Variants in PIGL observed in about 807,000 individuals in gnomAD.
The protein encoded by PIGL is N-acetylglucosaminyl-phosphatidylinositol de-N-acetylase.
Under a neutral mutation model 31.1 loss-of-function variants are expected in PIGL, and 22 were observed. The observed-to-expected ratio is 0.71, with a 90% CI of 0.51 to 1.01. PIGL has a LOEUF of 1.01. Among genes scored for constraint, PIGL ranks in the 50% least tolerant of loss-of-function variants. PIGL has a pLI of 0.00. For synonymous variants in PIGL, 131 were observed against 117.4 expected (o/e 1.12, Z -0.75); for missense variants, 302 against 315.9 (o/e 0.96, Z 0.33).
chr17:16,230,264 A>G (rs2092672951), intron 1 of PIGL, among the ~76,000 whole-genome samples: 1 of 152,148 alleles, frequency 6.6e-6, no homozygotes, highest in South Asian at 2.1e-4. Flanking sequence ...TCTGGGCTCC[A>G]GTAACACTGC....
intron 2 of PIGL, among the ~76,000 whole-genome samples, chr17:16,273,865 G>A (rs1460621160): frequency 6.6e-6 from 1 of 152,178 alleles, no homozygotes; most frequent in Non-Finnish European, 1.5e-5. Flanking sequence ...AAACCCTTTT[G>A]CCCTATAGCT....
At chr17:16,306,809 G>A (rs2093028341) in intron 3 of PIGL, among the ~76,000 whole-genome samples, 5 of 152,172 alleles carry the variant, frequency 3.3e-5, no homozygotes, top group South Asian at 4.1e-4. Flanking sequence ...GATTACAGGC[G>A]TGAGCCACCG....
intron 3 of PIGL, chr17:16,312,485 C>T (rs1343060291): frequency 3.0e-3 from 434 of 145,996 alleles, no homozygotes; most frequent in South Asian, 0.026. Context: ...GATGGGTGGC[C>T]AGGCAGAGAC....
intron 2 of PIGL, among the ~76,000 whole-genome samples, chr17:16,243,091 C>G (rs1458449131): frequency 6.6e-6 from 1 of 152,184 alleles, no homozygotes; most frequent in African/African-American, 2.4e-5. Flanking sequence ...TGCTCTGTTA[C>G]CCAGGCTGGA....
intron 2 of PIGL, among the ~76,000 whole-genome samples, chr17:16,259,357 T>A (rs1020837879): frequency 9.9e-6 from 1 of 101,174 alleles, no homozygotes; most frequent in Non-Finnish European, 2.0e-5. Flanking sequence ...CCAAGACAAT[T>A]CATGGGGAAA....
At chr17:16,323,763 G>A (rs962232928) in intron 6 of PIGL, among the ~76,000 whole-genome samples, 13 of 147,512 alleles carry the variant, frequency 8.8e-5, no homozygotes, top group Admixed American at 2.7e-4. Context: ...CAGACAGGCC[G>A]GCACCACCAA....
rs1271007369 is a variant in PIGL, at chr17:16,266,811, A to G, written c.335+32741A>G. ...ACGGGGTTTCACCGTGTTAGCCAGG[A>G]TGGTCTCGATCTCCTGACCTCGTGA... On this transcript the variant is annotated intron_variant, in intron 2 of 6. Transcript: ENST00000225609. Among the ~76,000 whole-genome samples the G allele has an allele frequency of 3.4e-5, 5 of 147,684 alleles. No individual in the cohort carries two copies. In the East Asian group the frequency reaches 1.0e-3, roughly 31 times the overall value.
intron 1 of PIGL, among the ~76,000 whole-genome samples, chr17:16,220,621 G>A (rs1450209248): frequency 6.6e-6 from 1 of 150,902 alleles, no homozygotes; most frequent in Non-Finnish European, 1.5e-5. Flanking sequence ...CTGGAGTAGC[G>A]GGATTACAGG....
chr17:16,307,158 C>T (rs2093029787), intron 3 of PIGL, among the ~76,000 whole-genome samples: 1 of 152,206 alleles, frequency 6.6e-6, no homozygotes, highest in African/African-American at 2.4e-5. Flanking sequence ...TTCACCTAAA[C>T]TGGTGCTGAC....
chr17:16,239,640 G>A (rs992754769), intron 2 of PIGL, among the ~76,000 whole-genome samples: 2 of 152,164 alleles, frequency 1.3e-5, no homozygotes, highest in Non-Finnish European at 2.9e-5. Flanking sequence ...GAGATGATGA[G>A]TTTTGTGCTT....
At chr17:16,245,486 C>A (rs1006709938) in intron 2 of PIGL, among the ~76,000 whole-genome samples, 3 of 143,474 alleles carry the variant, frequency 2.1e-5, no homozygotes, top group Admixed American at 7.2e-5. Context: ...GGGACGTAGC[C>A]AGATTGTAAG....
chr17:16,263,937 G>A (rs2092830116), intron 2 of PIGL, among the ~76,000 whole-genome samples: 1 of 145,488 alleles, frequency 6.9e-6, no homozygotes, highest in South Asian at 2.2e-4. Context: ...TGCCTCCTGA[G>A]TTCAAGCGAT....
chr17:16,255,881 C>T (rs2142737463), intron 2 of PIGL, among the ~76,000 whole-genome samples: 1 of 152,194 alleles, frequency 6.6e-6, no homozygotes, highest in African/African-American at 2.4e-5. Flanking sequence ...AGAAAAGAAA[C>T]CAGGGAAGGA....
chr17:16,225,180 T>C (rs1425938422), intron 1 of PIGL, among the ~76,000 whole-genome samples: 1 of 152,150 alleles, frequency 6.6e-6, no homozygotes, highest in Non-Finnish European at 1.5e-5. Flanking sequence ...GTGTAGACAT[T>C]CCTTTTGCAA....
At chr17:16,239,498 A>G (rs1008547047) in intron 2 of PIGL, among the ~76,000 whole-genome samples, 1 of 147,674 alleles carries the variant, frequency 6.8e-6, no homozygotes, top group Non-Finnish European at 1.5e-5. Flanking sequence ...AATAAAAAAG[A>G]AAAAAAAAAG....
At chr17:16,232,248 A>C (rs1478015447) in intron 1 of PIGL, among the ~76,000 whole-genome samples, 1 of 152,186 alleles carries the variant, frequency 6.6e-6, no homozygotes, top group African/African-American at 2.4e-5. Context: ...ACTGCACTCC[A>C]GCCTGGGCAA....
chr17:16,318,454 A>G (rs998227795), intron 6 of PIGL, among the ~76,000 whole-genome samples: 8 of 151,896 alleles, frequency 5.3e-5, no homozygotes, highest in African/African-American at 1.9e-4. Context: ...TATTTTTAGT[A>G]GAGCTGGGGT....
intron 6 of PIGL, among the ~76,000 whole-genome samples, chr17:16,320,549 G>A (rs1353114589): frequency 1.3e-5 from 2 of 149,602 alleles, no homozygotes; most frequent in African/African-American, 4.9e-5. Flanking sequence ...AAGGAAGGAA[G>A]GAAGAAAGGA....
chr17:16,307,845 C>A (rs2093032453), intron 3 of PIGL, among the ~76,000 whole-genome samples: 1 of 151,558 alleles, frequency 6.6e-6, no homozygotes, highest in Admixed American at 6.6e-5. Flanking sequence ...GTGGCACGTG[C>A]CTATAGTCTC....
Sources: gnomAD v4.1 joint callset for allele counts (sites outside exome capture counted in the v4.1 genomes callset) on GRCh38, gnomAD v4.1.1 for gene constraint, MANE v1.5 for transcripts, NCBI Gene and HGNC (gene_info 2026-07-23, HGNC 2026-07-21) for gene names.